The following GK5 variants were observed in gnomAD, a reference collection of about 807,000 sequenced individuals.
GK5 encodes the protein ATP:glycerol 3-phosphotransferase 5.
Under a neutral mutation model 77.3 loss-of-function variants are expected in GK5, and 39 were observed. The observed-to-expected ratio is 0.50, with a 90% confidence interval of 0.39 to 0.66. The LOEUF (loss-of-function observed/expected upper bound fraction) is 0.66. Among genes scored for constraint, GK5 ranks in the 30% least tolerant of loss-of-function variants. GK5 has a pLI of 0.00. For missense variants in GK5, 487 were observed against 633.8 expected, an observed-to-expected ratio of 0.77 and a Z score of 2.49; for synonymous variants, 211 against 208.0, an observed-to-expected ratio of 1.01 and a Z score of -0.13.
intron 5 of GK5, among the ~76,000 whole-genome samples, chr3:142,190,563 C>T (rs899566551): frequency 2.0e-5 from 3 of 152,156 alleles, no homozygotes; most frequent in Admixed American, 6.5e-5. Flanking sequence ...AAAAGCCCTA[C>T]AAACCCCAAG....
intron 15 of GK5, among the ~76,000 whole-genome samples, chr3:142,167,111 T>C (rs1043100385): frequency 2.6e-5 from 4 of 152,192 alleles, no homozygotes; most frequent in African/African-American, 7.2e-5. Context: ...TGGTGGCTCA[T>C]GCCTGTAATC....
intron 6 of GK5, among the ~76,000 whole-genome samples, 193 bp downstream of exon 6, chr3:142,187,511 G>T (rs190560370): frequency 5.9e-5 from 9 of 151,832 alleles, no homozygotes; most frequent in Admixed American, 3.9e-4. Context: ...GGGCTGAAGC[G>T]GGAGGATCGC....
At position 142,165,154 on chromosome 3, in the gene GK5, T is replaced by G. The variant is rs112782453; in HGVS notation, c.*468A>C. The G allele has an allele frequency of 6.5e-6, 1 of 152,852 alleles. No homozygotes were observed. Among genetic ancestry groups the G allele is most frequent in the African/African-American group, 2.4e-5 (1 of 41,482 alleles). 9.5% of individuals were successfully genotyped at this position (152,852 alleles called of 1,614,324 possible). On this transcript the variant is annotated 3_prime_UTR_variant, in exon 16 of 16. Coordinates refer to ENST00000392993, the MANE Select transcript of GK5 (RefSeq NM_001039547.3). ...ATATTAATGTTTCAAAATTCCACAT[T>G]TTCTCAGTTATTCTTTCTTTTTAGC...
intron 5 of GK5, among the ~76,000 whole-genome samples, chr3:142,195,120 T>C (rs1185707252): frequency 6.6e-6 from 1 of 152,178 alleles, no homozygotes; most frequent in East Asian, 1.9e-4. Flanking sequence ...TCTACTGACA[T>C]GATCATGTGT....
chr3:142,214,863 A>G (rs372538518), intron 2 of GK5, among the ~76,000 whole-genome samples: 4 of 152,224 alleles, frequency 2.6e-5, no homozygotes, highest in African/African-American at 9.6e-5. Context: ...CCTATGGTTC[A>G]GAAAGAAAAA....
At position 142,172,471 on chromosome 3, in the gene GK5, A is replaced by G. The variant is rs767882369; in HGVS notation, c.1144-15T>C. Reference sequence around the variant, plus strand: ...TTTAATGGAGCCTACAGTAAGAGATAACAAGAATATATTATTATTATTCTA... The same window carrying G: ...TTTAATGGAGCCTACAGTAAGAGATGACAAGAATATATTATTATTATTCTA... On this transcript the variant is annotated splice_polypyrimidine_tract_variant and intron_variant, in intron 12 of 15. Coordinates refer to ENST00000392993, the MANE Select transcript of GK5 (RefSeq NM_001039547.3). 1 of 1,359,602 alleles carries G rather than the reference A, an allele frequency of 7.4e-7. No homozygotes were observed. Among genetic ancestry groups the G allele is most frequent in the African/African-American group, 1.4e-5 (1 of 70,088 alleles). The allele number at this position is 1,359,602 out of a possible 1,614,324, so 84.2% of individuals were successfully genotyped here.
At chr3:142,216,450 C>T (rs1475978223) in intron 1 of GK5, among the ~76,000 whole-genome samples, 1 of 152,050 alleles carries the variant, frequency 6.6e-6, no homozygotes, top group African/African-American at 2.4e-5. Flanking sequence ...TGCGTCTCAA[C>T]AGGTACCTAA....
rs1233294630 is a variant in GK5 at position 142,187,114 on chromosome 3, AG to A, written c.619+589del. Among the ~76,000 whole-genome samples the A allele has an allele frequency of 2.0e-5, 3 of 152,310 alleles. No individual in the cohort carries two copies. The East Asian group carries it at 5.8e-4, about 29-fold the overall frequency. On this transcript the variant is annotated intron_variant, in intron 6 of 15. Transcript: ENST00000392993. ...TAGTTATACCCACTAGCAAAATGGCAGATTTGTTACTGAACTTGTCTTATCA... is the reference window on the plus strand; with the variant it reads ...TAGTTATACCCACTAGCAAAATGGCAATTTGTTACTGAACTTGTCTTATCA...
intron 9 of GK5, 82 bp downstream of exon 9, chr3:142,185,845 TTC>T: frequency 6.4e-7 from 1 of 1,555,964 alleles, no homozygotes; most frequent in Non-Finnish European, 8.7e-7. Flanking sequence ...GACCTTCTGT[TTC>T]TCTTAAAGCT....
intron 15 of GK5, among the ~76,000 whole-genome samples, chr3:142,169,934 A>C (rs956460045): frequency 2.6e-5 from 4 of 151,916 alleles, no homozygotes; most frequent in African/African-American, 9.7e-5. Context: ...CAGCCTCCCA[A>C]AGTGCTGGGA....
At chr3:142,224,852 G>GA (rs200281766) in intron 1 of GK5, among the ~76,000 whole-genome samples, 1 of 152,078 alleles carries the variant, frequency 6.6e-6, no homozygotes, top group African/African-American at 2.4e-5. Context: ...AAAGAAAAAA[G>GA]AAAAAAAGTT....
intron 3 of GK5, among the ~76,000 whole-genome samples, chr3:142,207,726 C>T (rs1577143379): frequency 6.6e-6 from 1 of 152,116 alleles, no homozygotes; most frequent in Non-Finnish European, 1.5e-5. Flanking sequence ...GGCGGTGACC[C>T]CCCTGGACCC....
At chr3:142,172,309 C>T (rs1195795437) in intron 13 of GK5, 44 bp downstream of exon 13, 1 of 851,214 alleles carries the variant, frequency 1.2e-6, no homozygotes, top group Non-Finnish European at 1.9e-6. Flanking sequence ...AAAGACATGG[C>T]AATATTCTAT....
chr3:142,180,278 ATCCCTTTT>A (rs1346039994), intron 11 of GK5, among the ~76,000 whole-genome samples: 1 of 151,468 alleles, frequency 6.6e-6, no homozygotes, highest in Non-Finnish European at 1.5e-5. Flanking sequence ...CGTTAAGAAA[ATCCCTTTT>A]GCTTTCCCTC....
intron 5 of GK5, among the ~76,000 whole-genome samples, chr3:142,194,626 G>A (rs2063906491): frequency 6.6e-6 from 1 of 151,936 alleles, no homozygotes; most frequent in African/African-American, 2.4e-5. Context: ...TGGAGGTTGA[G>A]ACTACAGTGA....
At chr3:142,204,585 G>A (rs574336460) in intron 4 of GK5, 110 bp downstream of exon 4, 24 of 761,686 alleles carry the variant, frequency 3.2e-5, no homozygotes, top group South Asian at 1.8e-4. Flanking sequence ...GAGTGTGTGC[G>A]TATGTCTTCT....
intron 9 of GK5, among the ~76,000 whole-genome samples, chr3:142,184,381 C>T (rs987550242): frequency 1.1e-4 from 16 of 151,032 alleles, no homozygotes; most frequent in Admixed American, 1.1e-3. Context: ...ATAACCAACC[C>T]TCACAAATTT....
intron 1 of GK5, among the ~76,000 whole-genome samples, chr3:142,217,985 A>G (rs900463959): frequency 6.6e-6 from 1 of 152,054 alleles, no homozygotes; most frequent in Admixed American, 6.5e-5. Flanking sequence ...TCAGAGAGGA[A>G]AAAAAAGAAT....
At chr3:142,204,549 C>A (rs2064074620) in intron 4 of GK5, 146 bp downstream of exon 4, 1 of 707,412 alleles carries the variant, frequency 1.4e-6, no homozygotes, top group Admixed American at 2.0e-5. Flanking sequence ...CTTTGATTGG[C>A]TATTATTAAA....
Sources: gnomAD v4.1 joint callset for allele counts (sites outside exome capture counted in the v4.1 genomes callset) on GRCh38, gnomAD v4.1.1 for gene constraint, MANE v1.5 for transcripts, NCBI Gene and HGNC (gene_info 2026-07-23, HGNC 2026-07-21) for gene names.